DIAPH2: variants seen among roughly 807,000 people sequenced by gnomAD.
DIAPH2 encodes protein diaphanous homolog 2.
A neutral mutation model predicts 92.7 loss-of-function variants in DIAPH2; 35 were observed. That is an observed-to-expected ratio of 0.38 (90% CI 0.29 to 0.50). The LOEUF is 0.50. Ranked by LOEUF, DIAPH2 falls within the 20% of genes least tolerant of loss-of-function variation. The probability of loss-of-function intolerance (pLI) is 0.94; values close to 1 mark genes in which losing one functional copy is unlikely to be tolerated. For synonymous variants in DIAPH2, 301 were observed against 280.4 expected (o/e 1.07, Z -0.73); for missense variants, 701 against 819.5 (o/e 0.86, Z 1.77).
At position 97,000,746 on chromosome X, in the gene DIAPH2, A is replaced by G. The variant is rs185042937; in HGVS notation, c.2050+35539A>G. ...AAAACAAAAATTAGTATTTTCCCAAAGATTAATCTGCCATTGTTATCCATC... is the reference window on the plus strand; with the variant it reads ...AAAACAAAAATTAGTATTTTCCCAAGGATTAATCTGCCATTGTTATCCATC... On this transcript the variant is annotated intron_variant, in intron 17 of 26. Coordinates refer to ENST00000324765, the MANE Select transcript of DIAPH2 (RefSeq NM_006729.5). 2.7e-5 allele frequency among the ~76,000 whole-genome samples: 3 copies of G among 111,945 alleles called. No individual in the cohort carries two copies. The East Asian group carries it at 8.4e-4, about 31-fold the overall frequency.
At chrX:97,486,861 C>G (rs1569409889) in intron 26 of DIAPH2, among the ~76,000 whole-genome samples, 1 of 112,336 alleles carries the variant, frequency 8.9e-6, no homozygotes, top group Admixed American at 9.4e-5. Context: ...TACAATAGAT[C>G]TCTAGAATTT....
chrX:97,555,443 G>A (rs2071250533), intron 26 of DIAPH2: 7 of 749,589 alleles, frequency 9.3e-6, no homozygotes, highest in Non-Finnish European at 1.1e-5. Context: ...AAGTGAAGGA[G>A]ATAAGAAGAA....
intron 4 of DIAPH2, among the ~76,000 whole-genome samples, chrX:96,818,744 A>T (rs1478920189): frequency 3.6e-5 from 4 of 112,343 alleles, no homozygotes; most frequent in African/African-American, 1.3e-4. Flanking sequence ...TTGTGATTTT[A>T]CATTAACTGA....
At chrX:96,799,598 A>G (rs1174885537) in intron 4 of DIAPH2, among the ~76,000 whole-genome samples, 1 of 111,546 alleles carries the variant, frequency 9.0e-6, no homozygotes, top group Non-Finnish European at 1.9e-5. Flanking sequence ...TCACGAGCTT[A>G]GAAGTTCGAG....
At chrX:97,046,749 G>A (rs1250959305) in intron 17 of DIAPH2, among the ~76,000 whole-genome samples, 3 of 111,877 alleles carry the variant, frequency 2.7e-5, no homozygotes, top group Non-Finnish European at 5.6e-5. Flanking sequence ...CTTGGACCAT[G>A]GAATTTAAAC....
chrX:97,451,407 G>A (rs896443952), intron 26 of DIAPH2, among the ~76,000 whole-genome samples: 16 of 111,480 alleles, frequency 1.4e-4, no homozygotes, highest in African/African-American at 5.2e-4. Flanking sequence ...CAAGACTGTT[G>A]TTATATTAGA....
At chrX:97,418,893 A>G (rs767747046) in intron 25 of DIAPH2, among the ~76,000 whole-genome samples, 1 of 111,637 alleles carries the variant, frequency 9.0e-6, no homozygotes, top group East Asian at 2.8e-4. Context: ...TTGTTGCTTC[A>G]TTATCTTGTG....
intron 23 of DIAPH2, among the ~76,000 whole-genome samples, chrX:97,275,471 A>G (rs1290459532): frequency 1.2e-5 from 1 of 85,853 alleles, no homozygotes; most frequent in Non-Finnish European, 2.5e-5. Context: ...GACGCTCCTC[A>G]CTTCCCAGAT....
intron 21 of DIAPH2, among the ~76,000 whole-genome samples, chrX:97,139,323 T>TTATA (rs1168318900): frequency 9.4e-6 from 1 of 106,588 alleles, no homozygotes; most frequent in African/African-American, 3.4e-5. Flanking sequence ...TATTTTAATA[T>TTATA]TATATATATA....
intron 17 of DIAPH2, among the ~76,000 whole-genome samples, chrX:97,007,295 C>A (rs1004595693): frequency 1.8e-5 from 2 of 111,646 alleles, no homozygotes; most frequent in Non-Finnish European, 3.8e-5. Flanking sequence ...CAAATGATTT[C>A]TTCTTGCTCA....
chrX:96,884,651 A>G, intron 5 of DIAPH2: 1 of 1,210,807 alleles, frequency 8.3e-7, no homozygotes, highest in Non-Finnish European at 1.1e-6. Flanking sequence ...GAGAAAGTCA[A>G]GCAGGTGACT....
chrX:96,825,837 T>G (rs2064812126), intron 4 of DIAPH2, among the ~76,000 whole-genome samples: 1 of 111,086 alleles, frequency 9.0e-6, no homozygotes, highest in African/African-American at 3.3e-5. Flanking sequence ...CACTCCTCCT[T>G]ATCTATCAGT....
intron 18 of DIAPH2, among the ~76,000 whole-genome samples, chrX:97,074,041 G>A (rs2147912751): frequency 8.9e-6 from 1 of 111,884 alleles, no homozygotes; most frequent in East Asian, 2.8e-4. Flanking sequence ...TGAGGATTTT[G>A]TTTTCTTTTG....
chrX:97,461,980 C>G (rs1365937877), intron 26 of DIAPH2, among the ~76,000 whole-genome samples: 1 of 111,005 alleles, frequency 9.0e-6, no homozygotes, highest in South Asian at 3.8e-4. Context: ...AAGAAAAAAG[C>G]TCCAGGCTTA....
intron 4 of DIAPH2, among the ~76,000 whole-genome samples, chrX:96,773,246 C>CCCT (rs1491163918): frequency 1.2e-5 from 1 of 83,132 alleles, no homozygotes; most frequent in Admixed American, 1.3e-4. Context: ...TTCCCCCCCC[C>CCCT]TCCCGCCCTC....
intron 18 of DIAPH2, among the ~76,000 whole-genome samples, chrX:97,073,302 G>A (rs2066682079): frequency 9.0e-6 from 1 of 111,422 alleles, no homozygotes; most frequent in African/African-American, 3.3e-5. Flanking sequence ...AAACACTGTT[G>A]GAGGACATAG....
chrX:97,155,168 A>G (rs773240891), intron 22 of DIAPH2, among the ~76,000 whole-genome samples: 1 of 112,166 alleles, frequency 8.9e-6, no homozygotes, highest in African/African-American at 3.2e-5. Flanking sequence ...TATATAAATT[A>G]TTGATTATCA....
At chrX:97,590,817 C>T (rs2071512310) in intron 26 of DIAPH2, among the ~76,000 whole-genome samples, 1 of 111,692 alleles carries the variant, frequency 9.0e-6, no homozygotes, top group Non-Finnish European at 1.9e-5. Context: ...CGGAAGATTT[C>T]AGAGAGCCCA....
At chrX:96,689,589 A>G (rs953166151) in intron 1 of DIAPH2, among the ~76,000 whole-genome samples, 39 of 109,838 alleles carry the variant, frequency 3.6e-4, no homozygotes, top group African/African-American at 1.2e-3. Flanking sequence ...TTAGTACCAC[A>G]CACCCTGAAC....
Sources: allele counts gnomAD v4.1 joint callset (sites outside exome capture counted in the v4.1 genomes callset), GRCh38; gene constraint gnomAD v4.1.1; transcripts MANE v1.5; gene names NCBI Gene and HGNC (gene_info 2026-07-23, HGNC 2026-07-21).